The following FIRRM variants were observed in gnomAD, a reference collection of about 807,000 sequenced individuals.
The protein encoded by FIRRM is FIGNL1 interacting regulator of recombination and mitosis.
the FIRRM span, among the ~76,000 whole-genome samples, chr1:169,815,757 C>T: frequency 6.6e-6 from 1 of 152,178 alleles, no homozygotes; most frequent in African/African-American, 2.4e-5. Context: ...TCCTGTAGGT[C>T]TTGTCCTCAT....
chr1:169,805,924 A>G, the FIRRM span: 1 of 752,532 alleles, frequency 1.3e-6, no homozygotes, highest in Non-Finnish European at 2.3e-6. Flanking sequence ...GAAATTGTTC[A>G]GTAGATAGTT....
At chr1:169,785,416 C>T in the FIRRM span, among the ~76,000 whole-genome samples, 1 of 152,190 alleles carries the variant, frequency 6.6e-6, no homozygotes, top group Non-Finnish European at 1.5e-5. Flanking sequence ...CAGGAAGAAT[C>T]AGGTTACACA....
chr1:169,829,210 CT>C, the FIRRM span: 1 of 1,373,198 alleles, frequency 7.3e-7, no homozygotes, highest in African/African-American at 1.5e-5. Context: ...ATTATAATTG[CT>C]AATTAGTAAA....
the FIRRM span, among the ~76,000 whole-genome samples, chr1:169,786,646 C>G: frequency 3.9e-5 from 6 of 152,130 alleles, no homozygotes; most frequent in Non-Finnish European, 8.8e-5. Context: ...TACAGAAATT[C>G]ACTAGAAGTT....
the FIRRM span, among the ~76,000 whole-genome samples, chr1:169,841,893 T>A: frequency 6.6e-6 from 1 of 151,992 alleles, no homozygotes. Flanking sequence ...AAAGGAAGTT[T>A]ATGGCTGGGT....
chr1:169,830,620 G>C, the FIRRM span: 1 of 1,370,208 alleles, frequency 7.3e-7, no homozygotes, highest in African/African-American at 1.4e-5. Context: ...AGAATATTTA[G>C]TGCTTTATGC....
At chr1:169,785,078 C>T in the FIRRM span, among the ~76,000 whole-genome samples, 398 of 152,294 alleles carry the variant, frequency 2.6e-3, no homozygotes, top group Non-Finnish European at 4.1e-3. Context: ...TACAAAAATG[C>T]CCCAGAGAAA....
the FIRRM span, among the ~76,000 whole-genome samples, chr1:169,797,354 C>G: frequency 6.6e-6 from 1 of 152,192 alleles, no homozygotes; most frequent in South Asian, 2.1e-4. Context: ...ACCTGCATGT[C>G]TGCATAATCA....
At chr1:169,821,892 G>A in the FIRRM span, 72 of 508,218 alleles carry the variant, frequency 1.4e-4, no homozygotes, top group East Asian at 2.1e-3. Context: ...TCTAGAAACC[G>A]GTAAGGCTGG....
chr1:169,831,893 A>T, the FIRRM span, among the ~76,000 whole-genome samples: 4 of 152,148 alleles, frequency 2.6e-5, no homozygotes, highest in Non-Finnish European at 1.5e-5. Context: ...AGTAGCTGGG[A>T]CTACAGGCAT....
chr1:169,784,526 C>T, the FIRRM span, among the ~76,000 whole-genome samples: 1 of 152,156 alleles, frequency 6.6e-6, no homozygotes, highest in African/African-American at 2.4e-5. Flanking sequence ...TTTCCTCTCC[C>T]TTCCATCCAA....
chr1:169,812,328 C>CAACT, the FIRRM span, among the ~76,000 whole-genome samples: 2 of 152,166 alleles, frequency 1.3e-5, no homozygotes, highest in African/African-American at 4.8e-5. Flanking sequence ...GTGCCCTCAA[C>CAACT]AACTTAGAGT....
chr1:169,843,365 C>G, the FIRRM span, among the ~76,000 whole-genome samples: 2 of 152,190 alleles, frequency 1.3e-5, no homozygotes, highest in East Asian at 3.9e-4. Flanking sequence ...AACATACAAG[C>G]CTTTCAGTGA....
the FIRRM span, chr1:169,837,031 C>G: frequency 6.2e-7 from 1 of 1,613,696 alleles, no homozygotes; most frequent in Non-Finnish European, 8.5e-7. Flanking sequence ...AACAAACTGT[C>G]CATGAGGTCA....
At chr1:169,827,892 G>C in the FIRRM span, 1 of 1,580,248 alleles carries the variant, frequency 6.3e-7, no homozygotes, top group African/African-American at 1.4e-5. Flanking sequence ...AGAAGGCCCT[G>C]TTGTTTGGAA....
the FIRRM span, chr1:169,793,271 G>C: frequency 2.7e-5 from 44 of 1,614,072 alleles, no homozygotes; most frequent in African/African-American, 4.4e-4. Context: ...GTTTTCTCCA[G>C]GGAAGTTCTC....
the FIRRM span, chr1:169,801,107 A>C: frequency 1.8e-4 from 98 of 533,424 alleles, no homozygotes; most frequent in Middle Eastern, 5.0e-4. Flanking sequence ...AGTAGATCTC[A>C]TGTGAGACTA....
the FIRRM span, among the ~76,000 whole-genome samples, chr1:169,841,858 TTTGGGTTACCAACA>T: frequency 3.3e-5 from 5 of 152,126 alleles, no homozygotes; most frequent in Non-Finnish European, 7.4e-5. Context: ...ATTTGGTAAC[TTTGGGTTACCAACA>T]TTTCACCCTA....
chr1:169,840,412 A>G, the FIRRM span, among the ~76,000 whole-genome samples: 2 of 151,628 alleles, frequency 1.3e-5, no homozygotes, highest in Non-Finnish European at 2.9e-5. Context: ...GCAATGTTTT[A>G]TAGTTCTCCT....
Sources: allele counts gnomAD v4.1 joint callset (sites outside exome capture counted in the v4.1 genomes callset), GRCh38; gene constraint gnomAD v4.1.1; transcripts MANE v1.5; gene names NCBI Gene and HGNC (gene_info 2026-07-23, HGNC 2026-07-21).